The following CASZ1 variants were observed in gnomAD, a reference collection of about 807,000 sequenced individuals.
CASZ1 encodes castor zinc finger 1.
A neutral mutation model predicts 135.2 loss-of-function variants in CASZ1; 28 were observed. The observed-to-expected ratio is 0.21, with a 90% CI of 0.15 to 0.28. CASZ1 has a LOEUF of 0.28. Ranked by LOEUF, CASZ1 falls within the 10% of genes least tolerant of loss-of-function variation. The pLI is 1.00. For missense variants in CASZ1, 2,161 were observed against 2,453.3 expected, an observed-to-expected ratio of 0.88 and a Z score of 2.52; for synonymous variants, 1,068 against 1,073.4, an observed-to-expected ratio of 0.99 and a Z score of 0.10.
At chr1:10,662,513 C>G (rs779272523) in intron 5 of CASZ1, among the ~76,000 whole-genome samples, 7 of 152,178 alleles carry the variant, frequency 4.6e-5, no homozygotes, top group African/African-American at 1.7e-4. Context: ...CACACGGTCA[C>G]ATGCACACAG....
chr1:10,729,092 G>A (rs1381106515), intron 2 of CASZ1, among the ~76,000 whole-genome samples: 1 of 152,074 alleles, frequency 6.6e-6, no homozygotes, highest in Non-Finnish European at 1.5e-5. Flanking sequence ...GCTGGGGGAA[G>A]GGGAGTGGGG....
rs811855 is a variant in CASZ1, at chr1:10,788,599, A to C, written c.-234+7965T>G. Among the ~76,000 whole-genome samples the C allele has an allele frequency of 0.87, 131,997 of 152,238 alleles. 57,467 individuals carry two copies. Among genetic ancestry groups the C allele is most frequent in the East Asian group, 0.97 (5,041 of 5,180 alleles). On this transcript the variant is annotated intron_variant, in intron 1 of 20. Coordinates refer to ENST00000377022, the MANE Select transcript of CASZ1 (RefSeq NM_001079843.3). The surrounding 1 kb of genome is among the most constrained non-coding windows in gnomAD (Gnocchi z 4.1). ...CCCAGAGACTGCCCGCCGTCAAACCAAGGCTCAGCAGTGCCTCACACCCAG... is the reference window on the plus strand; with the variant it reads ...CCCAGAGACTGCCCGCCGTCAAACCCAGGCTCAGCAGTGCCTCACACCCAG...
chr1:10,775,316 C>T (rs1303479102), intron 1 of CASZ1, among the ~76,000 whole-genome samples: 2 of 152,162 alleles, frequency 1.3e-5, no homozygotes, highest in African/African-American at 4.8e-5. Flanking sequence ...CCCTTCTCCG[C>T]CTACCTATAA....
In CASZ1 at chr1:10,722,059, C is replaced by G. The variant is rs576650382; in HGVS notation, c.-76-16515G>C. 2.4e-4 allele frequency among the ~76,000 whole-genome samples: 37 copies of G among 152,370 alleles called. No individual in the cohort carries two copies. The South Asian group carries it at 7.5e-3, about 31-fold the overall frequency. Reference sequence around the variant, plus strand: ...ACAGGCATCTATGGAAACGTTGGAACCAGGCATCCGCTGTGTCTGGGCAGA... The same window carrying G: ...ACAGGCATCTATGGAAACGTTGGAAGCAGGCATCCGCTGTGTCTGGGCAGA... On this transcript the variant is annotated intron_variant, in intron 2 of 20. Coordinates refer to ENST00000377022, the MANE Select transcript of CASZ1 (RefSeq NM_001079843.3).
intron 1 of CASZ1, among the ~76,000 whole-genome samples, chr1:10,764,110 G>A (rs1001849034): frequency 2.6e-5 from 4 of 152,204 alleles, no homozygotes; most frequent in African/African-American, 7.2e-5. Context: ...TGATCGGCCT[G>A]CCTTGGCCTT....
rs1203951410 is a variant in CASZ1, at chr1:10,694,027, C to G, written c.-23-115G>C. The G allele has an allele frequency of 1.7e-4, 160 of 967,700 alleles. No individual in the cohort carries two copies. The highest frequency in any genetic ancestry group is 1.5e-4 in the Non-Finnish European group (99 of 673,842). 59.9% of individuals were successfully genotyped at this position (967,700 alleles called of 1,614,324 possible). A position where few individuals can be genotyped will look rare whatever the true frequency, so the allele number is the denominator to read the frequency against. ...CCCGCCCCGCAGGAGCGGCCCGTCC[C>G]GGGCGGGCGCCGAGGCCGCGGCGGA... On this transcript the variant is annotated intron_variant, in intron 3 of 20. Coordinates refer to ENST00000377022, the MANE Select transcript of CASZ1 (RefSeq NM_001079843.3). The surrounding 1 kb of genome is among the most constrained non-coding windows in gnomAD (Gnocchi z 6.6).
rs2100492730 is a variant in CASZ1, at chr1:10,724,500, G to T, written c.-76-18956C>A. ...GCCACCCCAGGCATGTCGGGAGCTA[G>T]AACAGTCCTGGTGGAGATTCCCTTG... On this transcript the variant is annotated intron_variant, in intron 2 of 20. Transcript: ENST00000377022. This position sits in a 1 kb window ranked among gnomAD's most constrained non-coding sequence, Gnocchi z 4.1. Among the ~76,000 whole-genome samples the T allele has an allele frequency of 6.6e-6, 1 of 152,350 alleles. No individual in the cohort carries two copies. The highest frequency in any genetic ancestry group is 1.5e-5 in the Non-Finnish European group (1 of 68,040).
intron 6 of CASZ1, among the ~76,000 whole-genome samples, chr1:10,659,179 G>A (rs1642909840): frequency 6.6e-6 from 1 of 152,090 alleles, no homozygotes; most frequent in Non-Finnish European, 1.5e-5. Flanking sequence ...CCTCCCCCAG[G>A]GCCCAGGCTC....
At position 10,759,430 on chromosome 1, in the gene CASZ1, C is replaced by G. The variant is rs1640321656; in HGVS notation, c.-77+1271G>C. ...CAACGGCAGCACATCCTAAGTACGA[C>G]AGACCAACTTCAGGAGCATGATCAC... On this transcript the variant is annotated intron_variant, in intron 2 of 20. Coordinates refer to ENST00000377022, the MANE Select transcript of CASZ1 (RefSeq NM_001079843.3). This position sits in a 1 kb window ranked among gnomAD's most constrained non-coding sequence, Gnocchi z 4.2. 6.6e-6 allele frequency among the ~76,000 whole-genome samples: 1 copy of G among 152,178 alleles called. No individual in the cohort carries two copies. Among genetic ancestry groups the G allele is most frequent in the East Asian group, 1.9e-4 (1 of 5,200 alleles).
intron 2 of CASZ1, among the ~76,000 whole-genome samples, chr1:10,713,013 C>G (rs1048547403): frequency 6.6e-6 from 1 of 152,228 alleles, no homozygotes; most frequent in Admixed American, 6.5e-5. Flanking sequence ...CGTGGGGCAG[C>G]CCCCTCAAGC....
rs3748687 is a variant in CASZ1 at position 10,676,159 on chromosome 1, G to A, written c.17-10588C>T. On this transcript the variant is annotated intron_variant, in intron 4 of 20. Coordinates refer to ENST00000377022, the MANE Select transcript of CASZ1 (RefSeq NM_001079843.3). The surrounding 1 kb of genome is among the most constrained non-coding windows in gnomAD (Gnocchi z 4.5). ...GGAGGGACAGCAGGAACCCCTGAGG[G>A]TCACACAGAATGTGTGATCTCAGGG... Among the ~76,000 whole-genome samples the A allele has an allele frequency of 0.41, 62,164 of 152,036 alleles. 14,511 individuals carry two copies. The highest frequency in any genetic ancestry group is 0.5 in the Non-Finnish European group (34,055 of 67,906).
rs1253386164 is a variant in CASZ1 at position 10,777,813 on chromosome 1, T to G, written c.-233-16956A>C. Reference sequence around the variant, plus strand: ...CACACACAATCTTATATACAGCCACTGACACAATCCCACAACCACACACAA... The same window carrying G: ...CACACACAATCTTATATACAGCCACGGACACAATCCCACAACCACACACAA... On this transcript the variant is annotated intron_variant, in intron 1 of 20. Transcript: ENST00000377022. This position sits in a 1 kb window ranked among gnomAD's most constrained non-coding sequence, Gnocchi z 4.4. Among the ~76,000 whole-genome samples, 1 of 151,544 alleles carries G rather than the reference T, an allele frequency of 6.6e-6. No individual in the cohort carries two copies. The highest frequency in any genetic ancestry group is 1.5e-5 in the Non-Finnish European group (1 of 67,898).
At chr1:10,708,865 A>G (rs1639226583) in intron 2 of CASZ1, among the ~76,000 whole-genome samples, 1 of 144,162 alleles carries the variant, frequency 6.9e-6, no homozygotes, top group South Asian at 2.3e-4. Context: ...GGCGGCTCGG[A>G]GTGGGGCCTG....
chr1:10,701,405 C>A lies in CASZ1; in HGVS notation c.-24+4087G>T, dbSNP rs542299040. 2.0e-5 allele frequency among the ~76,000 whole-genome samples: 3 copies of A among 152,200 alleles called. No homozygotes were observed. Among genetic ancestry groups the A allele is most frequent in the Admixed American group, 2.0e-4 (3 of 15,290 alleles). On this transcript the variant is annotated intron_variant, in intron 3 of 20. Transcript: ENST00000377022. The surrounding 1 kb of genome is among the most constrained non-coding windows in gnomAD (Gnocchi z 6.3). ...ATGCTGACAATCACAAACTTTAATT[C>A]GCTGCCTGGCTTCTCCCTGCTGTGC... is the stretch of plus-strand genomic sequence containing the variant.
intron 2 of CASZ1, among the ~76,000 whole-genome samples, chr1:10,743,653 A>G (rs1375832131): frequency 5.9e-4 from 62 of 104,678 alleles, no homozygotes; most frequent in Admixed American, 2.8e-3. Context: ...GTCTTATGAC[A>G]GTCTCCAAAA....
In CASZ1 at chr1:10,654,144, T is replaced by C; in HGVS notation, c.1913A>G (p.Asp638Gly). ...CTTGAAGCCGTCCTTGGCGTAGGCATCGTCCTTGATGTGGTAGCTCTTGTG... is the reference window on the plus strand; with the variant it reads ...CTTGAAGCCGTCCTTGGCGTAGGCACCGTCCTTGATGTGGTAGCTCTTGTG... Reference protein sequence around the residue: ...EKHKSYHIKDDAYAKDGFKKF... With the variant: ...EKHKSYHIKDGAYAKDGFKKF... Residue 638 changes from aspartate to glycine, a missense_variant, in exon 11 of 21, where the codon GAT (aspartate) becomes GGT (glycine). This residue lies in a region of CASZ1 where 248 missense variants were observed against 410.8 expected (regional missense o/e 0.60). Transcript: ENST00000377022. The C allele has an allele frequency of 1.2e-6, 2 of 1,614,236 alleles. No individual in the cohort carries two copies. The highest frequency in any genetic ancestry group is 1.7e-6 in the Non-Finnish European group (2 of 1,180,040).
At chr1:10,768,956 C>T (rs911321004) in intron 1 of CASZ1, among the ~76,000 whole-genome samples, 30 of 152,310 alleles carry the variant, frequency 2.0e-4, no homozygotes, top group African/African-American at 7.0e-4. Flanking sequence ...GCCTGTCCAA[C>T]ATGGTGAAAC....
intron 2 of CASZ1, among the ~76,000 whole-genome samples, chr1:10,753,765 C>A (rs1369583818): frequency 1.3e-5 from 2 of 152,180 alleles, no homozygotes; most frequent in Non-Finnish European, 2.9e-5. Flanking sequence ...AGAGTGCATT[C>A]AAGAAGGGCG....
intron 3 of CASZ1, among the ~76,000 whole-genome samples, chr1:10,704,783 C>A (rs2100442041): frequency 6.6e-6 from 1 of 152,366 alleles, no homozygotes; most frequent in African/African-American, 2.4e-5. Context: ...TTCCACCGGT[C>A]ACCTCTGACA....
Sources: gnomAD v4.1 joint callset for allele counts (sites outside exome capture counted in the v4.1 genomes callset) on GRCh38, gnomAD v4.1.1 for gene constraint, gnomAD v4.1.1 regional missense constraint, Gnocchi (gnomAD v3.1) non-coding constraint, MANE v1.5 for transcripts, NCBI Gene and HGNC (gene_info 2026-07-23, HGNC 2026-07-21) for gene names.